The following ZNF521 variants were observed in gnomAD, a reference collection of about 807,000 sequenced individuals.
ZNF521 encodes zinc finger protein 521.
In ZNF521, 14 loss-of-function variants were observed where a neutral mutation model predicts 105.5. That is an observed-to-expected ratio of 0.13 (90% CI 0.09 to 0.21). The LOEUF (loss-of-function observed/expected upper bound fraction) is 0.21. ZNF521 is among the 10% of genes least tolerant of loss of function. The pLI is 1.00. For missense variants in ZNF521, 1,233 were observed against 1,629.7 expected (o/e 0.76, Z 4.19); for synonymous variants, 635 against 606.0 (o/e 1.05, Z -0.70).
At chr18:25,115,669 T>G (rs1054880326) in intron 5 of ZNF521, among the ~76,000 whole-genome samples, 1 of 152,244 alleles carries the variant, frequency 6.6e-6, no homozygotes, top group Non-Finnish European at 1.5e-5. Context: ...TGTGAAGCAG[T>G]TGTGTTCTGT....
intron 3 of ZNF521, among the ~76,000 whole-genome samples, chr18:25,299,911 C>T (rs1179948223): frequency 2.0e-5 from 3 of 152,190 alleles, no homozygotes; most frequent in Non-Finnish European, 2.9e-5. Flanking sequence ...TGCCATCCCA[C>T]GTGCTCCTCT....
At chr18:25,174,091 AAAC>A (rs761668269) in intron 5 of ZNF521, among the ~76,000 whole-genome samples, 22 of 152,170 alleles carry the variant, frequency 1.4e-4, no homozygotes, top group Non-Finnish European at 3.2e-4. Flanking sequence ...TTTTTAAATG[AAAC>A]AACATCACTA....
At chr18:25,068,047 A>G (rs2033116334) in intron 7 of ZNF521, among the ~76,000 whole-genome samples, 1 of 152,066 alleles carries the variant, frequency 6.6e-6, no homozygotes, top group South Asian at 2.1e-4. Context: ...AAAAGGAATG[A>G]AAAAAAATAA....
Position 25,226,943 on chromosome 18 carries a change from C to T in ZNF521, c.975G>A (p.Leu325=), listed in dbSNP as rs1370160515. The T allele has an allele frequency of 6.2e-7, 1 of 1,613,994 alleles. No individual in the cohort carries two copies. The highest frequency in any genetic ancestry group is 1.7e-5 in the Admixed American group (1 of 60,028). Reference sequence around the variant, plus strand: ...GCTGGTGACTGTCCATGTGGCTGTACAGTTCCTCAACTGTGTGGAAACTCT... The same window carrying T: ...GCTGGTGACTGTCCATGTGGCTGTATAGTTCCTCAACTGTGTGGAAACTCT... ...CSESFHTVEE[L]YSHMDSHQQP... The change falls in exon 4 of 8, where the codon CTG becomes CTA. Residue 325 remains leucine, a synonymous_variant. Coordinates refer to ENST00000361524, the MANE Select transcript of ZNF521 (RefSeq NM_015461.3). The surrounding 1 kb of genome is among the most constrained non-coding windows in gnomAD (Gnocchi z 4.1).
chr18:25,310,365 G>A (rs1439445033), intron 3 of ZNF521, among the ~76,000 whole-genome samples: 1 of 151,800 alleles, frequency 6.6e-6, no homozygotes, highest in Non-Finnish European at 1.5e-5. Context: ...TTAGTCACCA[G>A]GGGGAGCTAA....
intron 2 of ZNF521, chr18:25,327,392 A>C (rs1417738477): frequency 8.9e-7 from 1 of 1,123,252 alleles, no homozygotes; most frequent in Non-Finnish European, 1.1e-6. Flanking sequence ...TTTAAAGTTC[A>C]TATGTGTACT....
intron 3 of ZNF521, among the ~76,000 whole-genome samples, chr18:25,234,731 G>A (rs973910226): frequency 1.3e-5 from 2 of 152,104 alleles, no homozygotes; most frequent in Non-Finnish European, 1.5e-5. Flanking sequence ...ACTCATAAAT[G>A]TGAGAACAGC....
At chr18:25,076,912 G>GT (rs1414776667) in intron 7 of ZNF521, among the ~76,000 whole-genome samples, 1 of 152,146 alleles carries the variant, frequency 6.6e-6, no homozygotes, top group Non-Finnish European at 1.5e-5. Context: ...CCCTTGTTCT[G>GT]TTCCAACGGA....
intron 4 of ZNF521, among the ~76,000 whole-genome samples, chr18:25,219,428 T>G (rs558054189): frequency 4.6e-5 from 7 of 152,192 alleles, no homozygotes; most frequent in South Asian, 2.1e-4. Context: ...CTGAGTTCTA[T>G]TTGGGACCCA....
intron 7 of ZNF521, among the ~76,000 whole-genome samples, chr18:25,076,908 T>TA (rs2033375524): frequency 6.6e-6 from 1 of 152,244 alleles, no homozygotes; most frequent in African/African-American, 2.4e-5. Context: ...TAATCCCTTG[T>TA]TCTGTTCCAA....
chr18:25,224,861 G>C lies in ZNF521; in HGVS notation c.3057C>G (p.Gly1019=). ...MHPDLRNSLT[G]FRCVVCMQTV... The stretch of plus-strand genomic sequence containing the variant: ...TCTGCATGCACACCACGCAGCGAAA[G>C]CCTGTCAGGGAATTCCTCAAGTCAG... The change falls in exon 4 of 8, where the codon GGC becomes GGG. Residue 1019 remains glycine, a synonymous_variant. Transcript: ENST00000361524. The C allele has an allele frequency of 6.2e-7, 1 of 1,614,042 alleles. No homozygotes were observed. Among genetic ancestry groups the C allele is most frequent in the Non-Finnish European group, 8.5e-7 (1 of 1,180,030 alleles).
intron 5 of ZNF521, among the ~76,000 whole-genome samples, chr18:25,188,623 G>A (rs995945081): frequency 2.0e-5 from 3 of 152,156 alleles, no homozygotes; most frequent in African/African-American, 7.2e-5. Context: ...AAGAGTGAGT[G>A]AAAAACCGAT....
chr18:25,091,942 C>A lies in ZNF521; in HGVS notation c.3790+8G>T. 1.9e-6 allele frequency: 3 copies of A among 1,613,110 alleles called. No homozygotes were observed. Among genetic ancestry groups the A allele is most frequent in the South Asian group, 2.2e-5 (2 of 90,916 alleles). The stretch of plus-strand genomic sequence containing the variant: ...CTCTCCTGTGTCTTCCTGAAATAAT[C>A]TTCCCACCTGTAAAGCAGACTGGAC... On this transcript the variant is annotated splice_region_variant and intron_variant, in intron 6 of 7. Coordinates refer to ENST00000361524, the MANE Select transcript of ZNF521 (RefSeq NM_015461.3).
chr18:25,337,757 G>A (rs1326290112), intron 2 of ZNF521, among the ~76,000 whole-genome samples: 1 of 152,068 alleles, frequency 6.6e-6, no homozygotes, highest in Non-Finnish European at 1.5e-5. Flanking sequence ...TCCATTTTTA[G>A]GAATTGATCC....
In ZNF521 at chr18:25,075,376, T is replaced by C. The variant is rs146891803; in HGVS notation, c.3907-12635A>G. On this transcript the variant is annotated intron_variant, in intron 7 of 7. Transcript: ENST00000361524. Reference sequence around the variant, plus strand: ...AGAGTTGTTAGCTCAGATATTAAAATAGAGTCTGCATTGTGGTGCTTCTCT... The same window carrying C: ...AGAGTTGTTAGCTCAGATATTAAAACAGAGTCTGCATTGTGGTGCTTCTCT... Among the ~76,000 whole-genome samples, 521 of 152,344 alleles carry C rather than the reference T, an allele frequency of 3.4e-3. 2 individuals carry two copies. Among genetic ancestry groups the C allele is most frequent in the South Asian group, 0.026 (126 of 4,822 alleles).
chr18:25,236,295 G>A (rs1234575298), intron 3 of ZNF521, among the ~76,000 whole-genome samples: 1 of 152,182 alleles, frequency 6.6e-6, no homozygotes, highest in African/African-American at 2.4e-5. Context: ...CAGCACTTTG[G>A]GAGGCTGAGG....
rs200673657 is a variant in ZNF521 at position 25,225,230 on chromosome 18, A to G, written c.2688T>C (p.Thr896=). 3.0e-5 allele frequency: 49 copies of G among 1,614,110 alleles called. 1 individual carries two copies. The highest frequency in any genetic ancestry group is 3.5e-5 in the Non-Finnish European group (41 of 1,180,016). ...YGCDICGAAY[T]METLLQNHQL... Reference sequence around the variant, plus strand: ...GGTGATTCTGCAGCAAAGTTTCCATAGTGTAGGCTGCCCCACAAATGTCGC... The same window carrying G: ...GGTGATTCTGCAGCAAAGTTTCCATGGTGTAGGCTGCCCCACAAATGTCGC... Residue 896 remains threonine (T), a synonymous_variant, in exon 4 of 8, where the codon ACT becomes ACC. Coordinates refer to ENST00000361524, the MANE Select transcript of ZNF521 (RefSeq NM_015461.3). The surrounding 1 kb of genome is among the most constrained non-coding windows in gnomAD (Gnocchi z 5.6).
At chr18:25,332,347 CA>C (rs33971407) in intron 2 of ZNF521, among the ~76,000 whole-genome samples, 74,046 of 127,636 alleles carry the variant, frequency 0.58, 19,558 homozygotes, top group Middle Eastern at 0.7. Context: ...AAGATCACAG[CA>C]AAAAAAAAAA....
intron 5 of ZNF521, among the ~76,000 whole-genome samples, chr18:25,123,911 C>T (rs1420985568): frequency 1.3e-5 from 2 of 152,090 alleles, no homozygotes; most frequent in Non-Finnish European, 2.9e-5. Context: ...TAAATCATCA[C>T]CTTTAGCTTT....
Sources: gnomAD v4.1 joint callset for allele counts (sites outside exome capture counted in the v4.1 genomes callset) on GRCh38, gnomAD v4.1.1 for gene constraint, Gnocchi (gnomAD v3.1) non-coding constraint, MANE v1.5 for transcripts, NCBI Gene and HGNC (gene_info 2026-07-23, HGNC 2026-07-21) for gene names.